Variants in CARD18 observed in about 807,000 individuals in gnomAD.
The protein encoded by CARD18 is caspase recruitment domain family member 18, also known as caspase recruitment domain-containing protein 18.
Under a neutral mutation model 7.9 loss-of-function variants are expected in CARD18, and 7 were observed. The ratio of observed to expected loss-of-function variants is 0.88; its 90% CI spans 0.50 to 1.66. The LOEUF (loss-of-function observed/expected upper bound fraction) is 1.66. Ranked by LOEUF, CARD18 falls within the 40% of genes most tolerant of loss-of-function variation. The pLI, the probability that CARD18 is intolerant of heterozygous loss-of-function variation, is 0.00. For synonymous variants in CARD18, 34 were observed against 34.8 expected, an observed-to-expected ratio of 0.98 and a Z score of 0.08; for missense variants, 134 against 105.5, an observed-to-expected ratio of 1.27 and a Z score of -1.18.
rs777186822 is a variant in CARD18 at position 105,139,717 on chromosome 11, C to T, written c.7+3G>A. 141 of 1,598,888 alleles carry T rather than the reference C, an allele frequency of 8.8e-5. No homozygotes were observed. The highest frequency in any genetic ancestry group is 1.2e-4 in the Non-Finnish European group (140 of 1,179,420). ...ACCTATCCTCTTACTGGGGAAGACTCACCAGCCATGGCTCCTCACGTTGGC... is the reference window on the plus strand; with the variant it reads ...ACCTATCCTCTTACTGGGGAAGACTTACCAGCCATGGCTCCTCACGTTGGC... On this transcript the variant is annotated splice_donor_region_variant and intron_variant, in intron 1 of 2. Transcript: ENST00000530950.
rs780961007 is a variant in CARD18 at position 105,139,060 on chromosome 11, T to C, written c.26A>G (p.Lys9Arg). 1.2e-6 allele frequency: 2 copies of C among 1,613,034 alleles called. No homozygotes were observed. Among genetic ancestry groups the C allele is most frequent in the Non-Finnish European group, 1.7e-6 (2 of 1,179,434 alleles). ...CACTGAATGGATAAAAATTCTTCTC[T>C]TTTTACGCAAGAGTTGGTCTGTTGG... MADQLLRK[K>R]RRIFIHSVGA... is the part of the protein sequence containing the mutation. Residue 9 changes from lysine (K) to arginine (R), a missense_variant, in exon 2 of 3, where the codon AAG becomes AGG. Physicochemically the swap from Lys to Arg is conservative, Grantham distance 26 (BLOSUM62 2). Transcript: ENST00000530950.
chr11:105,139,146 G>C (rs1430616411), intron 1 of CARD18, 68 bp from the exon 2 acceptor site: 1 of 1,510,014 alleles, frequency 6.6e-7, no homozygotes, highest in African/African-American at 1.4e-5. Context: ...TTACCAACAG[G>C]GTAACAATCA....
Position 105,138,940 on chromosome 11 carries a change from G to A in CARD18, c.146C>T (p.Thr49Ile), listed in dbSNP as rs1865440197. Residue 49 changes from threonine (T) to isoleucine (I), a missense_variant, in exon 2 of 3, where the codon ACT becomes ATT. Physicochemically the swap from Thr to Ile is moderately conservative, Grantham distance 89 (BLOSUM62 -1). Coordinates refer to ENST00000530950, the MANE Select transcript of CARD18 (RefSeq NM_021571.4). ...CAAGACTCGAGCCTTATCCATGACA[G>A]TGTCATTTTCATCTCTCACTTTGTT... ...DMNKVRDEND[T>I]VMDKARVLID... The A allele has an allele frequency of 5.6e-6, 9 of 1,613,642 alleles. No homozygotes were observed. The highest frequency in any genetic ancestry group is 7.6e-6 in the Non-Finnish European group (9 of 1,179,760).
intron 1 of CARD18, chr11:105,139,507 T>A (rs1865447112): frequency 5.1e-6 from 3 of 585,596 alleles, no homozygotes; most frequent in Non-Finnish European, 9.1e-6. Flanking sequence ...TTATAGCAGA[T>A]ACCAGTAGGA....
chr11:105,138,693 A>G (rs140871536), intron 2 of CARD18, 119 bp downstream of exon 2: 2 of 1,104,380 alleles, frequency 1.8e-6, no homozygotes, highest in Non-Finnish European at 1.3e-6. Context: ...AAAGGAATGG[A>G]GTCTGAGGCT....
intron 1 of CARD18, chr11:105,139,505 G>T (rs1865447068): frequency 1.7e-6 from 1 of 579,682 alleles, no homozygotes; most frequent in Admixed American, 3.0e-5. Flanking sequence ...AATTATAGCA[G>T]ATACCAGTAG....
Position 105,139,706 on chromosome 11 carries a change from TG to T in CARD18, c.7+13del. On this transcript the variant is annotated intron_variant, in intron 1 of 2. Transcript: ENST00000530950. ...TCCTCCCTAAGACCTATCCTCTTAC[TG>T]GGGAAGACTCACCAGCCATGGCTCC... 2 of 1,598,866 alleles carry T rather than the reference TG, an allele frequency of 1.3e-6. No individual in the cohort carries two copies. Among genetic ancestry groups the T allele is most frequent in the Non-Finnish European group, 8.5e-7 (1 of 1,179,324 alleles).
In CARD18 at chr11:105,139,741, G is replaced by T. The variant is rs374087887; in HGVS notation, c.-15C>A. ...TCACCAGCCATGGCTCCTCACGTTG[G>T]CACTTGCAATGTGTGTTACACTTGC... is the stretch of plus-strand genomic sequence containing the variant. On this transcript the variant is annotated 5_prime_UTR_variant, in exon 1 of 3. Coordinates refer to ENST00000530950, the MANE Select transcript of CARD18 (RefSeq NM_021571.4). 1.9e-6 allele frequency: 3 copies of T among 1,598,676 alleles called. No homozygotes were observed. The African/African-American group carries it at 4.0e-5, about 21-fold the overall frequency.
chr11:105,139,373 C>T (rs1175353888), intron 1 of CARD18: 1 of 535,374 alleles, frequency 1.9e-6, no homozygotes, highest in East Asian at 3.1e-5. Flanking sequence ...AGGGAATTGA[C>T]AGTTTCATGA....
chr11:105,138,642 C>T (rs981255324), intron 2 of CARD18, among the ~76,000 whole-genome samples, 170 bp downstream of exon 2: 1 of 152,026 alleles, frequency 6.6e-6, no homozygotes, highest in Non-Finnish European at 1.5e-5. Context: ...ACAAGGGACA[C>T]AAAAACGTAG....
At chr11:105,138,698 G>A (rs4755080) in intron 2 of CARD18, 114 bp downstream of exon 2, 95,502 of 1,187,534 alleles carry the variant, frequency 0.08, 5,170 homozygotes, top group Admixed American at 0.25. Context: ...AATGGAGTCT[G>A]AGGCTAAAAT....
chr11:105,139,623 C>G, intron 1 of CARD18, 97 bp downstream of exon 1: 1 of 1,355,136 alleles, frequency 7.4e-7, no homozygotes, highest in Non-Finnish European at 1.0e-6. Flanking sequence ...CACCCCAAGG[C>G]TGCCCACACA....
At chr11:105,138,582 A>G (rs1261347840) in intron 2 of CARD18, among the ~76,000 whole-genome samples, 1 of 152,130 alleles carries the variant, frequency 6.6e-6, no homozygotes, top group Non-Finnish European at 1.5e-5. Flanking sequence ...TACCACCTAC[A>G]TAGAATTAGA....
rs751687288 is a variant in CARD18 at position 105,139,067 on chromosome 11, G to T, written c.19C>A (p.Arg7Ser). ...TGGATAAAAATTCTTCTCTTTTTAC[G>T]CAAGAGTTGGTCTGTTGGAAGCACA... MADQLL[R>S]KKRRIFIHSV... The change falls in exon 2 of 3, where the codon CGT (arginine) becomes AGT (serine). Residue 7 changes from arginine to serine, a missense_variant. By Grantham distance (110) the Arg-to-Ser change is moderately radical. Coordinates refer to ENST00000530950, the MANE Select transcript of CARD18 (RefSeq NM_021571.4). 1.1e-5 allele frequency: 18 copies of T among 1,612,538 alleles called. No homozygotes were observed. Among genetic ancestry groups the T allele is most frequent in the South Asian group, 2.2e-5 (2 of 90,936 alleles).
intron 2 of CARD18, 142 bp downstream of exon 2, chr11:105,138,670 T>C: frequency 1.1e-6 from 1 of 903,512 alleles, no homozygotes; most frequent in Non-Finnish European, 1.7e-6. Context: ...AGACATAAGC[T>C]AGAGCCATGC....
At position 105,139,246 on chromosome 11, in the gene CARD18, A is replaced by G. The variant is rs1461747569; in HGVS notation, c.8-168T>C. On this transcript the variant is annotated intron_variant, in intron 1 of 2. Coordinates refer to ENST00000530950, the MANE Select transcript of CARD18 (RefSeq NM_021571.4). ...CCACGTACTTCCTTCTGATTCTAGCATTACCTACATATGCTCACTGAGTGA... is the reference window on the plus strand; with the variant it reads ...CCACGTACTTCCTTCTGATTCTAGCGTTACCTACATATGCTCACTGAGTGA... The G allele has an allele frequency of 5.7e-6, 4 of 697,226 alleles. No individual in the cohort carries two copies. In the East Asian group the frequency reaches 1.1e-4, roughly 19 times the overall value. The allele number at this position is 697,226 out of a possible 1,614,324, so 43.2% of individuals were successfully genotyped here.
At chr11:105,139,594 C>T in intron 1 of CARD18, 126 bp downstream of exon 1, 1 of 1,003,862 alleles carries the variant, frequency 1.0e-6, no homozygotes, top group South Asian at 1.5e-5. Context: ...CCCTGCCTCT[C>T]CCTTCTTCTT....
Position 105,139,256 on chromosome 11 carries a change from T to A in CARD18, c.8-178A>T, listed in dbSNP as rs1865444398. On this transcript the variant is annotated intron_variant, in intron 1 of 2. Coordinates refer to ENST00000530950, the MANE Select transcript of CARD18 (RefSeq NM_021571.4). ...CCTTCTGATTCTAGCATTACCTACA[T>A]ATGCTCACTGAGTGACCTGGGAAAC... The A allele has an allele frequency of 6.1e-6, 4 of 651,108 alleles. No homozygotes were observed. In the South Asian group the frequency reaches 8.4e-5, roughly 14 times the overall value. 40.3% of individuals were successfully genotyped at this position (651,108 alleles called of 1,614,324 possible). A position where few individuals can be genotyped will look rare whatever the true frequency, so the allele number is the denominator to read the frequency against.
At position 105,138,915 on chromosome 11, in the gene CARD18, C is replaced by T. The variant is rs1213752009; in HGVS notation, c.171G>A (p.Leu57=). The T allele has an allele frequency of 1.2e-6, 2 of 1,613,746 alleles. No homozygotes were observed. The highest frequency in any genetic ancestry group is 8.5e-7 in the Non-Finnish European group (1 of 1,179,736). ...GTCCTTTTCCAGTAACAAGGTCAATCAAGACTCGAGCCTTATCCATGACAG... is the reference window on the plus strand; with the variant it reads ...GTCCTTTTCCAGTAACAAGGTCAATTAAGACTCGAGCCTTATCCATGACAG... ...NDTVMDKARV[L]IDLVTGKGPK... is the part of the protein sequence containing the mutation. Residue 57 remains leucine (L), a synonymous_variant, in exon 2 of 3, where the codon TTG becomes TTA. Transcript: ENST00000530950.
Sources: allele counts gnomAD v4.1 joint callset (sites outside exome capture counted in the v4.1 genomes callset), GRCh38; gene constraint gnomAD v4.1.1; transcripts MANE v1.5; gene names NCBI Gene and HGNC (gene_info 2026-07-23, HGNC 2026-07-21).